Variants in SKP1 observed in about 807,000 individuals in gnomAD.
The protein encoded by SKP1 is S-phase kinase associated protein 1.
SKP1 carries 1 observed loss-of-function variant against 21.5 expected under a neutral mutation model. That is an observed-to-expected ratio of 0.05 (90% CI 0.02 to 0.22). The LOEUF (loss-of-function observed/expected upper bound fraction) is 0.22. SKP1 is among the 10% of genes least tolerant of loss of function. The probability of loss-of-function intolerance (pLI) is 1.00; values close to 1 mark genes in which losing one functional copy is unlikely to be tolerated. For missense variants in SKP1, 70 were observed against 192.0 expected, an observed-to-expected ratio of 0.36 and a Z score of 3.76; for synonymous variants, 59 against 59.3, an observed-to-expected ratio of 0.99 and a Z score of 0.03.
At chr5:134,166,304 T>C (rs10039008) in intron 3 of SKP1, among the ~76,000 whole-genome samples, 7,154 of 150,732 alleles carry the variant, frequency 0.047, 482 homozygotes, top group African/African-American at 0.15. Flanking sequence ...GGGAGAATGC[T>C]GGGCGCGGTG....
intron 4 of SKP1, among the ~76,000 whole-genome samples, chr5:134,159,698 C>T (rs1179256519): frequency 1.3e-5 from 2 of 152,176 alleles, no homozygotes; most frequent in Non-Finnish European, 2.9e-5. Context: ...CAGGTTCCTG[C>T]CACCCCACCC....
intron 2 of SKP1, among the ~76,000 whole-genome samples, chr5:134,169,230 C>T (rs539214206): frequency 1.3e-5 from 2 of 152,110 alleles, no homozygotes; most frequent in African/African-American, 4.8e-5. Context: ...TCCAGTGGAG[C>T]GGTAAAGATG....
At chr5:134,162,467 G>T (rs779510056) in intron 3 of SKP1, among the ~76,000 whole-genome samples, 1 of 152,112 alleles carries the variant, frequency 6.6e-6, no homozygotes, top group Non-Finnish European at 1.5e-5. Flanking sequence ...GTGCAATGGC[G>T]CTATCTTGGC....
At position 134,155,488 on chromosome 5, in the gene SKP1, G is replaced by C. The variant is rs989876396; in HGVS notation, c.*2245C>G. 1 of 152,184 alleles carries C rather than the reference G, an allele frequency of 6.6e-6. No individual in the cohort carries two copies. The highest frequency in any genetic ancestry group is 1.5e-5 in the Non-Finnish European group (1 of 68,028). 9.4% of individuals were successfully genotyped at this position (152,184 alleles called of 1,614,324 possible). ...CTCTTGGATCTCTATTAATGTAAAAGTTTAAGATTACTAGGATTTTTTGTT... is the reference window on the plus strand; with the variant it reads ...CTCTTGGATCTCTATTAATGTAAAACTTTAAGATTACTAGGATTTTTTGTT... On this transcript the variant is annotated 3_prime_UTR_variant, in exon 6 of 6. Coordinates refer to ENST00000353411, the MANE Select transcript of SKP1 (RefSeq NM_170679.3).
Position 134,157,642 on chromosome 5 carries a change from ACT to A in SKP1, c.*89_*90del, listed in dbSNP as rs1353243363. Reference sequence around the variant, plus strand: ...AATTGACTTGCTGCTGCATTTGTCTACTGTTTGTCTAATATTAACAATTATAA... The same window carrying A: ...AATTGACTTGCTGCTGCATTTGTCTAGTTTGTCTAATATTAACAATTATAA... On this transcript the variant is annotated 3_prime_UTR_variant, in exon 6 of 6. Transcript: ENST00000353411. The A allele has an allele frequency of 1.3e-5, 14 of 1,047,894 alleles. No homozygotes were observed. Among genetic ancestry groups the A allele is most frequent in the Non-Finnish European group, 2.0e-5 (13 of 666,034 alleles). The allele number at this position is 1,047,894 out of a possible 1,614,324, so 64.9% of individuals were successfully genotyped here.
chr5:134,162,229 T>G (rs190886800), intron 3 of SKP1, among the ~76,000 whole-genome samples: 1 of 152,262 alleles, frequency 6.6e-6, no homozygotes, highest in East Asian at 1.9e-4. Context: ...GCCTCCCAAG[T>G]AGCTGCAACT....
rs998541129 is a variant in SKP1, at chr5:134,154,616, T to C, written c.*3117A>G. On this transcript the variant is annotated 3_prime_UTR_variant, in exon 6 of 6. Transcript: ENST00000353411. ...AAGGTGAGAAGCCAAAGGACTGCCA[T>C]GGAGTCCTTGAAAGGACTTCATCAT... is the stretch of plus-strand genomic sequence containing the variant. 3.3e-5 allele frequency: 5 copies of C among 152,146 alleles called. No individual in the cohort carries two copies. The highest frequency in any genetic ancestry group is 1.3e-4 in the Admixed American group (2 of 15,276). 9.4% of individuals were successfully genotyped at this position (152,146 alleles called of 1,614,324 possible).
rs941871956 is a variant in SKP1, at chr5:134,155,760, C to T, written c.*1973G>A. On this transcript the variant is annotated 3_prime_UTR_variant, in exon 6 of 6. Transcript: ENST00000353411. ...GCATATGGCAGTAATCCTGGACCTT[C>T]AGTGAAGATTTGTTTGTCATAATAC... 6.6e-6 allele frequency: 1 copy of T among 152,294 alleles called. No individual in the cohort carries two copies. Among genetic ancestry groups the T allele is most frequent in the Admixed American group, 6.5e-5 (1 of 15,298 alleles). 9.4% of individuals were successfully genotyped at this position (152,294 alleles called of 1,614,324 possible).
intron 2 of SKP1, among the ~76,000 whole-genome samples, chr5:134,172,359 C>T (rs1292805536): frequency 6.6e-6 from 1 of 152,186 alleles, no homozygotes; most frequent in East Asian, 1.9e-4. Context: ...AAACCTCTGA[C>T]ATTTAAGTAC....
chr5:134,170,690 C>T (rs1165414697), intron 2 of SKP1, among the ~76,000 whole-genome samples: 1 of 152,174 alleles, frequency 6.6e-6, no homozygotes, highest in Non-Finnish European at 1.5e-5. Context: ...TTCTGATTCC[C>T]AAAGGCAACA....
chr5:134,174,087 TAC>T, intron 1 of SKP1, 65 bp from the exon 2 acceptor site: 2 of 987,998 alleles, frequency 2.0e-6, no homozygotes. Flanking sequence ...TTTCATCAAC[TAC>T]AGTCCATCAG....
chr5:134,163,552 G>GT, intron 3 of SKP1, among the ~76,000 whole-genome samples: 1 of 151,868 alleles, frequency 6.6e-6, no homozygotes, highest in Non-Finnish European at 1.5e-5. Flanking sequence ...CACTCTGGGA[G>GT]GCCAAAGGAG....
chr5:134,149,647 G>T lies in SKP1; in HGVS notation c.*8086C>A, dbSNP rs941713051. On this transcript the variant is annotated 3_prime_UTR_variant, in exon 6 of 6. Transcript: ENST00000353411. Reference sequence around the variant, plus strand: ...GCTAGAGGACACTAGCCATTCTCTGGACATCTGTCCCATTTTAAAGAATTC... The same window carrying T: ...GCTAGAGGACACTAGCCATTCTCTGTACATCTGTCCCATTTTAAAGAATTC... 2.6e-5 allele frequency: 4 copies of T among 152,190 alleles called. No individual in the cohort carries two copies. Among genetic ancestry groups the T allele is most frequent in the Non-Finnish European group, 5.9e-5 (4 of 68,038 alleles). 9.4% of individuals were successfully genotyped at this position (152,190 alleles called of 1,614,324 possible). A position where few individuals can be genotyped will look rare whatever the true frequency, so the allele number is the denominator to read the frequency against.
chr5:134,150,471 G>C lies in SKP1; in HGVS notation c.*7262C>G, dbSNP rs1189248483. 1 of 152,150 alleles carries C rather than the reference G, an allele frequency of 6.6e-6. No homozygotes were observed. The highest frequency in any genetic ancestry group is 2.1e-4 in the South Asian group (1 of 4,834). The allele number at this position is 152,150 out of a possible 1,614,324, so 9.4% of individuals were successfully genotyped here. A position where few individuals can be genotyped will look rare whatever the true frequency, so the allele number is the denominator to read the frequency against. Reference sequence around the variant, plus strand: ...TCAGAAAACAGCACAGAACAGAAGGGGTAAGGGTAACAAGGCCATGTTAAA... The same window carrying C: ...TCAGAAAACAGCACAGAACAGAAGGCGTAAGGGTAACAAGGCCATGTTAAA... On this transcript the variant is annotated 3_prime_UTR_variant, in exon 6 of 6. Transcript: ENST00000353411.
intron 1 of SKP1, chr5:134,176,529 G>GC (rs1364675643): frequency 2.6e-5 from 4 of 152,308 alleles, no homozygotes; most frequent in Non-Finnish European, 5.9e-5. Flanking sequence ...GAGGCCCCCG[G>GC]CCGCAGCCTG....
In SKP1 at chr5:134,167,180, A is replaced by G; in HGVS notation, c.161T>C (p.Ile54Thr). 1 of 1,585,362 alleles carries G rather than the reference A, an allele frequency of 6.3e-7. No individual in the cohort carries two copies. The highest frequency in any genetic ancestry group is 8.7e-7 in the Non-Finnish European group (1 of 1,154,402). ...PVPLPNVNAA[I>T]LKKVIQWCTH... ...CTTTAAAGACCTTACCTTTTTTAAT[A>G]TTGCTGCATTCACATTTGGTAGAGG... The change falls in exon 3 of 6, where the codon ATA becomes ACA. Residue 54 changes from isoleucine (I) to threonine (T), a missense_variant. Physicochemically the swap from Ile to Thr is moderately conservative, Grantham distance 89. Transcript: ENST00000353411.
rs938668597 is a variant in SKP1 at position 134,153,656 on chromosome 5, T to C, written c.*4077A>G. The stretch of plus-strand genomic sequence containing the variant: ...GTCTGCTGCTCTCTCAATTTTCTCT[T>C]TTCTGGTGGAAAATCACCTTATATT... On this transcript the variant is annotated 3_prime_UTR_variant, in exon 6 of 6. Transcript: ENST00000353411. 6.6e-6 allele frequency: 1 copy of C among 152,210 alleles called. No homozygotes were observed. Among genetic ancestry groups the C allele is most frequent in the Non-Finnish European group, 1.5e-5 (1 of 68,030 alleles). 9.4% of individuals were successfully genotyped at this position (152,210 alleles called of 1,614,324 possible).
rs1038833500 is a variant in SKP1 at position 134,154,427 on chromosome 5, G to T, written c.*3306C>A. The T allele has an allele frequency of 8.4e-6, 1 of 119,482 alleles. No individual in the cohort carries two copies. The highest frequency in any genetic ancestry group is 2.7e-4 in the South Asian group (1 of 3,656). 7.4% of individuals were successfully genotyped at this position (119,482 alleles called of 1,614,324 possible). ...CGCACCACTGCATTCCAGTCTGGGCGACAGAGTGAGACTCTGTCTCAAAAA... is the reference window on the plus strand; with the variant it reads ...CGCACCACTGCATTCCAGTCTGGGCTACAGAGTGAGACTCTGTCTCAAAAA... On this transcript the variant is annotated 3_prime_UTR_variant, in exon 6 of 6. Transcript: ENST00000353411.
At position 134,149,663 on chromosome 5, in the gene SKP1, T is replaced by A. The variant is rs1477469015; in HGVS notation, c.*8070A>T. 6.6e-6 allele frequency: 1 copy of A among 152,236 alleles called. No homozygotes were observed. The highest frequency in any genetic ancestry group is 1.5e-5 in the Non-Finnish European group (1 of 68,044). The allele number at this position is 152,236 out of a possible 1,614,324, so 9.4% of individuals were successfully genotyped here. A position where few individuals can be genotyped will look rare whatever the true frequency, so the allele number is the denominator to read the frequency against. ...CATTCTCTGGACATCTGTCCCATTT[T>A]AAAGAATTCTGTTCTGGCTACTGGC... On this transcript the variant is annotated 3_prime_UTR_variant, in exon 6 of 6. Coordinates refer to ENST00000353411, the MANE Select transcript of SKP1 (RefSeq NM_170679.3).
Sources: gnomAD v4.1 joint callset for allele counts (sites outside exome capture counted in the v4.1 genomes callset) on GRCh38, gnomAD v4.1.1 for gene constraint, MANE v1.5 for transcripts, NCBI Gene and HGNC (gene_info 2026-07-23, HGNC 2026-07-21) for gene names.